Variants in KCNQ5 observed in about 807,000 individuals in gnomAD.
The protein encoded by KCNQ5 is potassium voltage-gated channel subfamily Q member 5.
KCNQ5 carries 30 observed loss-of-function variants against 98.2 expected under a neutral mutation model. The ratio of observed to expected loss-of-function variants is 0.31; its 90% CI spans 0.23 to 0.41. KCNQ5 has a LOEUF of 0.41. Among genes scored for constraint, KCNQ5 ranks in the 10% least tolerant of loss-of-function variants. The pLI is 1.00. For synonymous variants in KCNQ5, 458 were observed against 449.4 expected (o/e 1.02, Z -0.24); for missense variants, 835 against 1,182.5 (o/e 0.71, Z 4.31).
chr6:72,651,654 C>T, intron 1 of KCNQ5, among the ~76,000 whole-genome samples: 1 of 151,932 alleles, frequency 6.6e-6, no homozygotes, highest in East Asian at 1.9e-4. Flanking sequence ...TCTAATTTTG[C>T]AATGTGTACC....
intron 10 of KCNQ5, among the ~76,000 whole-genome samples, chr6:73,141,189 C>A (rs749239335): frequency 6.6e-6 from 1 of 152,186 alleles, no homozygotes; most frequent in Non-Finnish European, 1.5e-5. Context: ...CCCACTTCCA[C>A]GTGATGGAAA....
At chr6:72,676,693 A>G (rs1767425512) in intron 1 of KCNQ5, among the ~76,000 whole-genome samples, 1 of 128,804 alleles carries the variant, frequency 7.8e-6, no homozygotes, top group African/African-American at 2.8e-5. Context: ...GTTTATATCT[A>G]TTTTTGCTTT....
intron 1 of KCNQ5, among the ~76,000 whole-genome samples, chr6:72,655,174 GA>G (rs59654640): frequency 0.14 from 17,962 of 128,368 alleles, 1,901 homozygotes; most frequent in African/African-American, 0.31. Flanking sequence ...AAACAAAATG[GA>G]AAAAAAAAAA....
At chr6:72,761,774 G>A (rs533395743) in intron 1 of KCNQ5, among the ~76,000 whole-genome samples, 2 of 152,118 alleles carry the variant, frequency 1.3e-5, no homozygotes, top group East Asian at 3.9e-4. Context: ...AAAGATTGAG[G>A]AGGAAACGTA....
At chr6:72,659,287 C>T (rs1332646893) in intron 1 of KCNQ5, among the ~76,000 whole-genome samples, 1 of 152,200 alleles carries the variant, frequency 6.6e-6, no homozygotes, top group Non-Finnish European at 1.5e-5. Flanking sequence ...TGTTTGTCCT[C>T]ATCCCCTCAT....
At chr6:72,845,440 A>G (rs1776979770) in intron 1 of KCNQ5, among the ~76,000 whole-genome samples, 1 of 152,178 alleles carries the variant, frequency 6.6e-6, no homozygotes, top group African/African-American at 2.4e-5. Flanking sequence ...GATGTGTCAC[A>G]TTTTCAAAAG....
At chr6:73,159,994 TTTG>T (rs1419185780) in intron 10 of KCNQ5, among the ~76,000 whole-genome samples, 1 of 83,478 alleles carries the variant, frequency 1.2e-5, no homozygotes, top group Non-Finnish European at 2.3e-5. Flanking sequence ...TATGGTTTTT[TTTG>T]TTTGTTTGTT....
At chr6:72,870,228 G>A (rs1332623355) in intron 1 of KCNQ5, among the ~76,000 whole-genome samples, 4 of 151,940 alleles carry the variant, frequency 2.6e-5, no homozygotes, top group Non-Finnish European at 4.4e-5. Context: ...TTGGCTCCTT[G>A]GCTCCTTGGG....
intron 10 of KCNQ5, chr6:73,157,616 G>T: frequency 1.3e-6 from 1 of 773,126 alleles, no homozygotes; most frequent in South Asian, 1.4e-5. Flanking sequence ...AGTGGCAGCT[G>T]GGTAGGTGAA....
At chr6:72,703,905 A>G (rs1436860561) in intron 1 of KCNQ5, among the ~76,000 whole-genome samples, 1 of 152,210 alleles carries the variant, frequency 6.6e-6, no homozygotes, top group Non-Finnish European at 1.5e-5. Flanking sequence ...AGATTTTTAG[A>G]AAGGGAAAAT....
intron 8 of KCNQ5, among the ~76,000 whole-genome samples, chr6:73,121,527 T>C (rs1265908307): frequency 6.6e-6 from 1 of 152,182 alleles, no homozygotes; most frequent in Non-Finnish European, 1.5e-5. Flanking sequence ...CCTCAGGTTG[T>C]TCAAAAGTTA....
intron 1 of KCNQ5, among the ~76,000 whole-genome samples, chr6:72,924,898 A>T (rs138301058): frequency 1.5e-4 from 23 of 152,290 alleles, no homozygotes; most frequent in Non-Finnish European, 1.3e-4. Flanking sequence ...TCCCTAAAAA[A>T]ATTATTCATA....
chr6:73,042,182 C>A (rs575534029), intron 3 of KCNQ5, 120 bp downstream of exon 3: 2 of 1,148,346 alleles, frequency 1.7e-6, no homozygotes, highest in South Asian at 1.2e-5. Context: ...TATCATGGAC[C>A]GGGCACTCTT....
intron 1 of KCNQ5, among the ~76,000 whole-genome samples, chr6:72,897,360 T>C (rs1453299716): frequency 6.6e-6 from 1 of 151,968 alleles, no homozygotes; most frequent in Non-Finnish European, 1.5e-5. Flanking sequence ...GCCAATATGG[T>C]GAAACCCCAC....
chr6:72,929,498 G>T (rs980559930), intron 1 of KCNQ5, among the ~76,000 whole-genome samples: 1 of 152,130 alleles, frequency 6.6e-6, no homozygotes, highest in Non-Finnish European at 1.5e-5. Flanking sequence ...CTTTGGAATT[G>T]CAGAACCAAC....
intron 2 of KCNQ5, among the ~76,000 whole-genome samples, chr6:73,017,493 C>T (rs1399144897): frequency 6.6e-6 from 1 of 152,160 alleles, no homozygotes; most frequent in African/African-American, 2.4e-5. Context: ...GTAGGTCCCA[C>T]TGTTCCCCAT....
At chr6:72,962,022 C>CA (rs957440336) in intron 1 of KCNQ5, among the ~76,000 whole-genome samples, 47 of 151,226 alleles carry the variant, frequency 3.1e-4, no homozygotes, top group African/African-American at 1.1e-3. Flanking sequence ...ACAAAAAGTA[C>CA]AAAAAATTAA....
chr6:73,044,949 G>A (rs1208828244), intron 3 of KCNQ5, among the ~76,000 whole-genome samples: 1 of 152,170 alleles, frequency 6.6e-6, no homozygotes, highest in Non-Finnish European at 1.5e-5. Context: ...TGGTAGACTG[G>A]CTGTGCCTTC....
At chr6:73,102,334 G>A (rs1774817480) in intron 5 of KCNQ5, among the ~76,000 whole-genome samples, 1 of 152,030 alleles carries the variant, frequency 6.6e-6, no homozygotes, top group Admixed American at 6.6e-5. Context: ...CCAGGGCAAG[G>A]ATTTCGTGAG....
Sources: allele counts gnomAD v4.1 joint callset (sites outside exome capture counted in the v4.1 genomes callset), GRCh38; gene constraint gnomAD v4.1.1; transcripts MANE v1.5; gene names NCBI Gene and HGNC (gene_info 2026-07-23, HGNC 2026-07-21).